The following FIGN variants were observed in gnomAD, a reference collection of about 807,000 sequenced individuals.
FIGN encodes the protein fidgetin.
A neutral mutation model predicts 51.3 loss-of-function variants in FIGN; 11 were observed. The ratio of observed to expected loss-of-function variants is 0.21; its 90% CI spans 0.13 to 0.35. The LOEUF is 0.35. Among genes scored for constraint, FIGN ranks in the 10% least tolerant of loss-of-function variants. The probability of loss-of-function intolerance (pLI) is 1.00; values close to 1 mark genes in which losing one functional copy is unlikely to be tolerated. For missense variants in FIGN, 857 were observed against 943.6 expected (o/e 0.91, Z 1.20); for synonymous variants, 407 against 363.2 (o/e 1.12, Z -1.37).
intron 2 of FIGN, among the ~76,000 whole-genome samples, chr2:163,720,568 C>T (rs971410310): frequency 6.6e-6 from 1 of 152,104 alleles, no homozygotes; most frequent in African/African-American, 2.4e-5. Context: ...TATTTACTGA[C>T]ACTTCAACTG....
intron 2 of FIGN, among the ~76,000 whole-genome samples, chr2:163,721,897 T>C (rs1054980342): frequency 5.3e-5 from 8 of 152,334 alleles, no homozygotes; most frequent in Non-Finnish European, 1.0e-4. Flanking sequence ...TGCTTTTCTC[T>C]GGTACATCTT....
intron 2 of FIGN, among the ~76,000 whole-genome samples, chr2:163,680,401 C>T (rs1684041940): frequency 6.6e-6 from 1 of 152,112 alleles, no homozygotes; most frequent in South Asian, 2.1e-4. Flanking sequence ...AATCTTACTT[C>T]CTCACTACAG....
At chr2:163,677,874 A>G (rs1290268530) in intron 2 of FIGN, among the ~76,000 whole-genome samples, 2 of 152,198 alleles carry the variant, frequency 1.3e-5, no homozygotes, top group African/African-American at 4.8e-5. Flanking sequence ...TCAACTTTCT[A>G]GATATGTGAA....
chr2:163,652,539 CA>C, intron 2 of FIGN, among the ~76,000 whole-genome samples: 1 of 152,122 alleles, frequency 6.6e-6, no homozygotes, highest in South Asian at 2.1e-4. Context: ...TACATTCACC[CA>C]AATTTAGGCA....
At chr2:163,624,386 C>T (rs997530474) in intron 2 of FIGN, among the ~76,000 whole-genome samples, 4 of 150,776 alleles carry the variant, frequency 2.7e-5, no homozygotes, top group African/African-American at 9.7e-5. Context: ...ATTTTTAAGT[C>T]TCTACCCATT....
intron 2 of FIGN, among the ~76,000 whole-genome samples, chr2:163,659,022 A>G (rs1021737244): frequency 9.9e-5 from 15 of 152,124 alleles, no homozygotes; most frequent in Non-Finnish European, 1.3e-4. Flanking sequence ...ATCTATACCC[A>G]CAAAGGAATC....
chr2:163,719,063 G>A (rs1280298082), intron 2 of FIGN, among the ~76,000 whole-genome samples: 4 of 152,040 alleles, frequency 2.6e-5, no homozygotes, highest in Admixed American at 2.6e-4. Flanking sequence ...TCCTGTTAAG[G>A]TGTTTTTTAG....
At chr2:163,657,231 T>C (rs910093759) in intron 2 of FIGN, among the ~76,000 whole-genome samples, 2 of 152,118 alleles carry the variant, frequency 1.3e-5, no homozygotes, top group African/African-American at 2.4e-5. Flanking sequence ...TAGTACTAAT[T>C]TGATGTCAAG....
At chr2:163,733,810 G>GC (rs1336114298) in intron 2 of FIGN, among the ~76,000 whole-genome samples, 2 of 152,138 alleles carry the variant, frequency 1.3e-5, no homozygotes, top group Non-Finnish European at 2.9e-5. Context: ...TTAGGAGAGA[G>GC]CAGTGACCAC....
chr2:163,615,055 A>G (rs1682848672), intron 2 of FIGN, among the ~76,000 whole-genome samples: 1 of 152,294 alleles, frequency 6.6e-6, no homozygotes, highest in South Asian at 2.1e-4. Context: ...AAATTAAGCA[A>G]AGATCATATT....
At chr2:163,668,639 A>G (rs1364060831) in intron 2 of FIGN, among the ~76,000 whole-genome samples, 5 of 152,134 alleles carry the variant, frequency 3.3e-5, no homozygotes, top group Non-Finnish European at 7.4e-5. Flanking sequence ...AAATAGGTAA[A>G]ACTTATAAGA....
intron 2 of FIGN, among the ~76,000 whole-genome samples, chr2:163,716,536 T>C (rs1321302771): frequency 3.3e-5 from 5 of 152,150 alleles, no homozygotes; most frequent in African/African-American, 1.2e-4. Flanking sequence ...GCAACCAAAT[T>C]ATGTCTACCT....
At chr2:163,703,662 C>T (rs1381243917) in intron 2 of FIGN, among the ~76,000 whole-genome samples, 3 of 152,080 alleles carry the variant, frequency 2.0e-5, no homozygotes, top group Admixed American at 2.0e-4. Context: ...GGGCTCCTTA[C>T]TGAGGCCTTA....
At chr2:163,617,751 G>A (rs1323592492) in intron 2 of FIGN, among the ~76,000 whole-genome samples, 1 of 152,048 alleles carries the variant, frequency 6.6e-6, no homozygotes, top group African/African-American at 2.4e-5. Flanking sequence ...TCTTGGTTAA[G>A]TTGCTTAAGC....
chr2:163,673,210 C>A (rs1683906033), intron 2 of FIGN, among the ~76,000 whole-genome samples: 1 of 152,024 alleles, frequency 6.6e-6, no homozygotes, highest in African/African-American at 2.4e-5. Flanking sequence ...TAAATAAACA[C>A]CTACCTTGAG....
intron 2 of FIGN, among the ~76,000 whole-genome samples, chr2:163,663,398 G>A (rs1357877472): frequency 6.6e-6 from 1 of 151,896 alleles, no homozygotes; most frequent in East Asian, 2.0e-4. Flanking sequence ...GCAATGGCAT[G>A]ATCTCAGCTC....
intron 2 of FIGN, among the ~76,000 whole-genome samples, chr2:163,713,854 A>T (rs980807289): frequency 6.6e-6 from 1 of 152,098 alleles, no homozygotes; most frequent in African/African-American, 2.4e-5. Context: ...AGAGGGGGGA[A>T]AAAAGAAAAT....
intron 2 of FIGN, among the ~76,000 whole-genome samples, chr2:163,629,031 A>G (rs1369135019): frequency 1.3e-5 from 2 of 152,148 alleles, no homozygotes; most frequent in Non-Finnish European, 2.9e-5. Context: ...TGGAAAGATG[A>G]AGAGAAGTCC....
intron 2 of FIGN, among the ~76,000 whole-genome samples, chr2:163,730,439 C>CA (rs1222327245): frequency 1.3e-5 from 2 of 151,680 alleles, no homozygotes; most frequent in Non-Finnish European, 2.9e-5. Flanking sequence ...TGCAGTGTGT[C>CA]AAAAAAATTC....
Sources: gnomAD v4.1 joint callset for allele counts (sites outside exome capture counted in the v4.1 genomes callset) on GRCh38, gnomAD v4.1.1 for gene constraint, MANE v1.5 for transcripts, NCBI Gene and HGNC (gene_info 2026-07-23, HGNC 2026-07-21) for gene names.